Variants in SOS2 observed in about 807,000 individuals in gnomAD.
SOS2 encodes the protein SOS Ras/Rho guanine nucleotide exchange factor 2.
In SOS2, 65 loss-of-function variants were observed where a neutral mutation model predicts 148.2. The ratio of observed to expected loss-of-function variants is 0.44; its 90% CI spans 0.36 to 0.54. The LOEUF (loss-of-function observed/expected upper bound fraction) is 0.54, where lower values mean the gene tolerates loss of function less well. SOS2 is among the 20% of genes least tolerant of loss of function. The probability of loss-of-function intolerance (pLI) is 0.00; values close to 1 mark genes in which losing one functional copy is unlikely to be tolerated. For synonymous variants in SOS2, 539 were observed against 537.1 expected (o/e 1.00, Z -0.05); for missense variants, 1,341 against 1,590.2 (o/e 0.84, Z 2.67).
At position 50,204,350 on chromosome 14, in the gene SOS2, T is replaced by C. The variant is rs1030329651; in HGVS notation, c.147A>G (p.Glu49=). The C allele has an allele frequency of 4.4e-6, 7 of 1,588,138 alleles. No individual in the cohort carries two copies. The African/African-American group carries it at 9.4e-5, about 21-fold the overall frequency. The change falls in exon 2 of 23, where the codon GAA becomes GAG. Residue 49 remains glutamate (E), a synonymous_variant. Transcript: ENST00000216373. ...SANEESLYYI[E]ELIFQLLNKL... ...TATTAAGCAGCTGAAAAATCAGCTC[T>C]TCAATATAATAGAGAGACTCTTCAT...
chr14:50,182,727 C>A (rs1430546283), intron 5 of SOS2, 121 bp from the exon 6 acceptor site: 2 of 705,638 alleles, frequency 2.8e-6, no homozygotes, highest in South Asian at 1.9e-5. Flanking sequence ...CCCTGCTCCA[C>A]AAGAAACAGT....
At chr14:50,170,112 T>G (rs1459298770) in intron 8 of SOS2, among the ~76,000 whole-genome samples, 3 of 151,464 alleles carry the variant, frequency 2.0e-5, no homozygotes, top group African/African-American at 7.3e-5. Flanking sequence ...TTTTTTTTTT[T>G]TGTAGAGACA....
intron 2 of SOS2, among the ~76,000 whole-genome samples, chr14:50,201,416 C>A (rs1316252144): frequency 6.6e-6 from 1 of 151,328 alleles, no homozygotes. Context: ...TGCCTATAGT[C>A]CCAGCTACTT....
chr14:50,208,246 G>A (rs775769051), intron 1 of SOS2, among the ~76,000 whole-genome samples: 8 of 152,074 alleles, frequency 5.3e-5, no homozygotes, highest in South Asian at 2.1e-4. Context: ...GCAGTGAGCC[G>A]AGATAACGTG....
chr14:50,153,038 A>T, intron 13 of SOS2, 32 bp downstream of exon 13: 1 of 1,020,846 alleles, frequency 9.8e-7, no homozygotes, highest in Non-Finnish European at 1.5e-6. Context: ...CATGTTCAAT[A>T]TAAGATTCAA....
chr14:50,228,636 A>G (rs1012915114), intron 1 of SOS2, among the ~76,000 whole-genome samples: 8 of 152,206 alleles, frequency 5.3e-5, no homozygotes, highest in Non-Finnish European at 7.3e-5. Flanking sequence ...TTCCACCAAG[A>G]TGTCCAAGTG....
chr14:50,229,529 T>G (rs1471652201), intron 1 of SOS2, among the ~76,000 whole-genome samples: 2 of 147,792 alleles, frequency 1.4e-5, no homozygotes, highest in Non-Finnish European at 3.0e-5. Context: ...AATCTGGGTC[T>G]GGTGCGAGGT....
intron 16 of SOS2, 100 bp downstream of exon 16, chr14:50,145,070 T>C: frequency 3.6e-6 from 2 of 562,284 alleles, no homozygotes; most frequent in Non-Finnish European, 5.8e-6. Context: ...AGGATGAATT[T>C]ACAAAGAATT....
At chr14:50,180,533 TA>T (rs199667374) in intron 7 of SOS2, 38 bp downstream of exon 7, 5,423 of 415,900 alleles carry the variant, frequency 0.013, 1 homozygote, top group South Asian at 0.034. Flanking sequence ...TTTGCTTTAT[TA>T]AAAAAAAAAA....
intron 4 of SOS2, among the ~76,000 whole-genome samples, chr14:50,192,143 C>CAAAAAAAAAAAAAAAAAA (rs201836422): frequency 8.4e-6 from 1 of 118,910 alleles, no homozygotes; most frequent in Non-Finnish European, 1.7e-5. Context: ...GTCCTTGTCA[C>CAAAAAAAAAAAAAAAAAA]AAAAAAAAAA....
intron 20 of SOS2, 40 bp from the exon 21 acceptor site, chr14:50,130,042 C>T (rs747267148): frequency 4.0e-6 from 5 of 1,264,382 alleles, no homozygotes; most frequent in South Asian, 1.3e-5. Context: ...AGGAAGGTAA[C>T]ATGTAGGTAT....
Position 50,180,223 on chromosome 14 carries a change from C to T in SOS2, c.969+349G>A, listed in dbSNP as rs113418438. On this transcript the variant is annotated intron_variant, in intron 7 of 22. Coordinates refer to ENST00000216373, the MANE Select transcript of SOS2 (RefSeq NM_006939.4). ...TTCACCATGTTGGCCAGGCTGGTCT[C>T]AAACTCCTGACCTCAAGTGATCCAC... 2.5e-3 allele frequency among the ~76,000 whole-genome samples: 371 copies of T among 150,596 alleles called. 3 individuals are homozygous for T. The highest frequency in any genetic ancestry group is 8.4e-3 in the African/African-American group (344 of 40,892).
At chr14:50,146,161 GA>G (rs1206360177) in intron 14 of SOS2, among the ~76,000 whole-genome samples, 3 of 147,166 alleles carry the variant, frequency 2.0e-5, no homozygotes, top group Admixed American at 6.8e-5. Context: ...AAAAAGAAAC[GA>G]AAAAAAAGTC....
chr14:50,164,302 T>C lies in SOS2; in HGVS notation c.1069-2693A>G, dbSNP rs949691957. 4.0e-5 allele frequency among the ~76,000 whole-genome samples: 6 copies of C among 151,896 alleles called. 1 individual carries two copies. Among genetic ancestry groups the C allele is most frequent in the Admixed American group, 3.9e-4 (6 of 15,250 alleles). ...AAAAAATACAAAAATTAGCCGGGCG[T>C]GGTGATGTGCACATGTAGTCCCAGC... On this transcript the variant is annotated intron_variant, in intron 8 of 22. Coordinates refer to ENST00000216373, the MANE Select transcript of SOS2 (RefSeq NM_006939.4).
In SOS2 at chr14:50,130,647, C is replaced by T. The variant is rs1329000047; in HGVS notation, c.3191G>A (p.Cys1064Tyr). Residue 1064 changes from cysteine to tyrosine, a missense_variant, in exon 20 of 23, where the codon TGT (cysteine) becomes TAT (tyrosine). Physicochemically the swap from Cys to Tyr is radical, Grantham distance 194. Around this residue, in one of 4 missense-constraint regions of SOS2, gnomAD observed 354 missense variants for 347.7 expected, o/e 1.02. Coordinates refer to ENST00000216373, the MANE Select transcript of SOS2 (RefSeq NM_006939.4). ...AGCAATCCGACTAAAGCTTATTTTA[C>T]ATGGTTCTCTTTCTAATGGTGTTGG... ...GHPTPLEREP[C>Y]KISFSRIAET... is the part of the protein sequence containing the mutation. 5 of 1,614,152 alleles carry T rather than the reference C, an allele frequency of 3.1e-6. No homozygotes were observed. In the South Asian group the frequency reaches 4.4e-5, roughly 14 times the overall value.
At chr14:50,186,850 G>A (rs1193615723) in intron 5 of SOS2, among the ~76,000 whole-genome samples, 2 of 152,072 alleles carry the variant, frequency 1.3e-5, no homozygotes, top group South Asian at 2.1e-4. Flanking sequence ...AAACACTTTC[G>A]ATTATCATTT....
At chr14:50,178,766 C>T (rs1427507954) in intron 7 of SOS2, among the ~76,000 whole-genome samples, 2 of 149,790 alleles carry the variant, frequency 1.3e-5, no homozygotes, top group African/African-American at 2.5e-5. Flanking sequence ...CAGGGTCTTG[C>T]TCTGTCACCT....
intron 2 of SOS2, among the ~76,000 whole-genome samples, chr14:50,203,414 T>C (rs1363098568): frequency 6.6e-6 from 1 of 152,080 alleles, no homozygotes; most frequent in Non-Finnish European, 1.5e-5. Context: ...CTATTAGACA[T>C]TTGTTTTTAG....
rs775815870 is a variant in SOS2, at chr14:50,145,180, T to C, written c.2657A>G (p.His886Arg). Residue 886 changes from histidine to arginine, a missense_variant, in exon 16 of 23, where the codon CAT (histidine) becomes CGT (arginine). His to Arg is a conservative substitution (Grantham distance 29, BLOSUM62 0). Transcript: ENST00000216373. ...AAGCCTAAAACTTACCTCAAAGGTA[T>C]GGTCTAGTCTGTATACTGACACTGA... ...VNSVSVYRLD[H>R]TFEALQERKR... The C allele has an allele frequency of 2.5e-5, 37 of 1,481,564 alleles. No homozygotes were observed. The highest frequency in any genetic ancestry group is 3.1e-5 in the Non-Finnish European group (35 of 1,114,438). 91.8% of individuals were successfully genotyped at this position (1,481,564 alleles called of 1,614,324 possible). A position where few individuals can be genotyped will look rare whatever the true frequency, so the allele number is the denominator to read the frequency against.
Sources: allele counts gnomAD v4.1 joint callset (sites outside exome capture counted in the v4.1 genomes callset), GRCh38; gene constraint gnomAD v4.1.1; regional missense constraint gnomAD v4.1.1; transcripts MANE v1.5; gene names NCBI Gene and HGNC (gene_info 2026-07-23, HGNC 2026-07-21).